Variants in CYS1 observed in about 807,000 individuals in gnomAD.
CYS1 encodes the protein cystin-1.
In CYS1, 5 loss-of-function variants were observed where a neutral mutation model predicts 9.6. The ratio of observed to expected loss-of-function variants is 0.52; its 90% CI spans 0.27 to 1.10. The LOEUF (loss-of-function observed/expected upper bound fraction) is 1.10. Ranked by LOEUF, CYS1 falls within the 50% of genes least tolerant of loss-of-function variation. The pLI is 0.11. For missense variants in CYS1, 221 were observed against 207.9 expected (o/e 1.06, Z -0.39); for synonymous variants, 88 against 95.7 (o/e 0.92, Z 0.47).
At chr2:10,065,111 G>T (rs565734739) in intron 2 of CYS1, among the ~76,000 whole-genome samples, 1 of 152,254 alleles carries the variant, frequency 6.6e-6, no homozygotes, top group South Asian at 2.1e-4. Context: ...CCGAGACCAT[G>T]CCCCTCCCGG....
chr2:10,071,181 A>G (rs2125290496), intron 1 of CYS1, among the ~76,000 whole-genome samples: 2 of 152,212 alleles, frequency 1.3e-5, no homozygotes, highest in South Asian at 2.1e-4. Flanking sequence ...TGGCCACGCT[A>G]GTCTCGAACT....
chr2:10,074,146 C>T (rs1416128836), intron 1 of CYS1, among the ~76,000 whole-genome samples: 1 of 152,214 alleles, frequency 6.6e-6, no homozygotes, highest in Non-Finnish European at 1.5e-5. Flanking sequence ...ATGGCATCAG[C>T]CACTATCCAA....
intron 2 of CYS1, among the ~76,000 whole-genome samples, chr2:10,061,615 G>A (rs558096954): frequency 2.0e-4 from 31 of 152,344 alleles, no homozygotes; most frequent in Non-Finnish European, 4.4e-4. Context: ...CTCAGCACCC[G>A]ACATGCCCTG....
chr2:10,077,282 A>T (rs185144885), intron 1 of CYS1, among the ~76,000 whole-genome samples: 1 of 152,164 alleles, frequency 6.6e-6, no homozygotes, highest in East Asian at 1.9e-4. Flanking sequence ...CTCCAGCGAG[A>T]CTCTGTCTCA....
chr2:10,071,344 G>C (rs887751124), intron 1 of CYS1, among the ~76,000 whole-genome samples: 2 of 152,204 alleles, frequency 1.3e-5, no homozygotes, highest in Non-Finnish European at 2.9e-5. Flanking sequence ...GCTGCCTGCT[G>C]CTGCCCTTCT....
chr2:10,078,644 G>A (rs1661893618), intron 1 of CYS1, among the ~76,000 whole-genome samples: 1 of 152,182 alleles, frequency 6.6e-6, no homozygotes, highest in Admixed American at 6.5e-5. Flanking sequence ...TGCCTCCCTT[G>A]GGATTAGCCG....
Position 10,080,306 on chromosome 2 carries a change from C to T in CYS1, c.-83G>A. The T allele has an allele frequency of 1.1e-6, 1 of 873,574 alleles. No homozygotes were observed. The highest frequency in any genetic ancestry group is 1.4e-6 in the Non-Finnish European group (1 of 727,674). 54.1% of individuals were successfully genotyped at this position (873,574 alleles called of 1,614,324 possible). ...GGGCGGGGACGCTAGGGGGTGCGGC[C>T]GGGGCGGGCTGCAGGGGGAGGCGCG... is the stretch of plus-strand genomic sequence containing the variant. On this transcript the variant is annotated 5_prime_UTR_variant, in exon 1 of 3. Transcript: ENST00000381813. The surrounding 1 kb of genome is among the most constrained non-coding windows in gnomAD (Gnocchi z 6.4).
chr2:10,064,009 G>A (rs1481253690), intron 2 of CYS1, among the ~76,000 whole-genome samples: 3 of 152,200 alleles, frequency 2.0e-5, no homozygotes, highest in South Asian at 4.1e-4. Flanking sequence ...GATCACCTGA[G>A]GCCAGGAGTT....
chr2:10,080,047 G>A lies in CYS1; in HGVS notation c.177C>T (p.Ser59=), dbSNP rs1044732596. Residue 59 remains serine (S), a synonymous_variant, in exon 1 of 3, where the codon AGC becomes AGT. Coordinates refer to ENST00000381813, the MANE Select transcript of CYS1 (RefSeq NM_001037160.3). The surrounding 1 kb of genome is among the most constrained non-coding windows in gnomAD (Gnocchi z 6.4). ...CCCTGCCGTCGGGGGGCGCCACGGG[G>A]CTGGGGTCGCGGCCGGGCGCCTCCT... ...AAEEAPGRDP[S]PVAPPDGRDE... is the part of the protein sequence containing the mutation. 4.8e-6 allele frequency: 5 copies of A among 1,051,640 alleles called. No homozygotes were observed. The Admixed American group carries it at 2.2e-4, about 47-fold the overall frequency. 65.1% of individuals were successfully genotyped at this position (1,051,640 alleles called of 1,614,324 possible). A position where few individuals can be genotyped will look rare whatever the true frequency, so the allele number is the denominator to read the frequency against.
At chr2:10,068,296 A>C (rs1244670936) in intron 1 of CYS1, among the ~76,000 whole-genome samples, 1 of 152,208 alleles carries the variant, frequency 6.6e-6, no homozygotes, top group Non-Finnish European at 1.5e-5. Context: ...CCTAGTAACT[A>C]AGATCTTCAT....
intron 2 of CYS1, 90 bp from the exon 3 acceptor site, chr2:10,059,048 G>A: frequency 8.0e-7 from 1 of 1,252,908 alleles, no homozygotes; most frequent in East Asian, 2.6e-5. Flanking sequence ...CTCCTAGTGG[G>A]CCCATCCTGA....
intron 1 of CYS1, among the ~76,000 whole-genome samples, chr2:10,074,680 C>T (rs894287569): frequency 7.2e-5 from 11 of 152,296 alleles, no homozygotes; most frequent in African/African-American, 2.4e-4. Context: ...CAGAAAACTT[C>T]GCCTAGCTCC....
chr2:10,073,445 G>C (rs560038550), intron 1 of CYS1, among the ~76,000 whole-genome samples: 1 of 152,194 alleles, frequency 6.6e-6, no homozygotes, highest in South Asian at 2.1e-4. Context: ...AAAGTCCTCC[G>C]ATGTAAATAA....
intron 2 of CYS1, 126 bp downstream of exon 2, chr2:10,065,778 G>T (rs1489586316): frequency 9.1e-6 from 8 of 876,442 alleles, no homozygotes; most frequent in Non-Finnish European, 9.4e-6. Context: ...GCATTTAGAG[G>T]GAGCTGCCTC....
Position 10,079,639 on chromosome 2 carries a change from G to C in CYS1, c.318+267C>G, listed in dbSNP as rs376195312. 7.2e-5 allele frequency among the ~76,000 whole-genome samples: 11 copies of C among 151,952 alleles called. No individual in the cohort carries two copies. The East Asian group carries it at 1.4e-3, about 19-fold the overall frequency. On this transcript the variant is annotated intron_variant, in intron 1 of 2. Transcript: ENST00000381813. The stretch of plus-strand genomic sequence containing the variant: ...CGGGGCCGCGGGCCCGAGGGGAGCC[G>C]GGAGCCCGGCGCGCTCCGCCTAGGG...
chr2:10,065,857 A>G, intron 2 of CYS1, 47 bp downstream of exon 2: 1 of 1,606,614 alleles, frequency 6.2e-7, no homozygotes, highest in Non-Finnish European at 8.5e-7. Context: ...GGAGTCAACA[A>G]AAAGAACCCG....
chr2:10,069,612 C>T (rs772924689), intron 1 of CYS1, among the ~76,000 whole-genome samples: 1 of 152,164 alleles, frequency 6.6e-6, no homozygotes, highest in Non-Finnish European at 1.5e-5. Flanking sequence ...CATGATCCAC[C>T]TGCCTCAGCC....
chr2:10,056,847 A>C lies in CYS1; in HGVS notation c.*2006T>G, dbSNP rs1172574033. On this transcript the variant is annotated 3_prime_UTR_variant, in exon 3 of 3. Transcript: ENST00000381813. ...TTAAGTTCACCTACAGCTGCAGTACACACACACCGCTTTATTTGGCTAGCT... is the reference window on the plus strand; with the variant it reads ...TTAAGTTCACCTACAGCTGCAGTACCCACACACCGCTTTATTTGGCTAGCT... 1.3e-5 allele frequency: 2 copies of C among 152,260 alleles called. No homozygotes were observed. The highest frequency in any genetic ancestry group is 2.4e-5 in the African/African-American group (1 of 41,472). 9.4% of individuals were successfully genotyped at this position (152,260 alleles called of 1,614,324 possible). A position where few individuals can be genotyped will look rare whatever the true frequency, so the allele number is the denominator to read the frequency against.
Position 10,057,118 on chromosome 2 carries a change from A to G in CYS1, c.*1735T>C, listed in dbSNP as rs1160350834. 6.6e-6 allele frequency: 1 copy of G among 152,294 alleles called. No individual in the cohort carries two copies. Among genetic ancestry groups the G allele is most frequent in the Non-Finnish European group, 1.5e-5 (1 of 68,058 alleles). 9.4% of individuals were successfully genotyped at this position (152,294 alleles called of 1,614,324 possible). The stretch of plus-strand genomic sequence containing the variant: ...GAAAGCGTCCCATTTTAACAAAATG[A>G]CATAAAATTACAAACATTTACATGT... On this transcript the variant is annotated 3_prime_UTR_variant, in exon 3 of 3. Transcript: ENST00000381813.
Sources: gnomAD v4.1 joint callset for allele counts (sites outside exome capture counted in the v4.1 genomes callset) on GRCh38, gnomAD v4.1.1 for gene constraint, Gnocchi (gnomAD v3.1) non-coding constraint, MANE v1.5 for transcripts, NCBI Gene and HGNC (gene_info 2026-07-23, HGNC 2026-07-21) for gene names.